The following BCL11A variants were observed in gnomAD, a reference collection of about 807,000 sequenced individuals.
BCL11A encodes B cell CLL/lymphoma 11A.
A neutral mutation model predicts 55.9 loss-of-function variants in BCL11A; 2 were observed. The ratio of observed to expected loss-of-function variants is 0.04; its 90% CI spans 0.01 to 0.11. The LOEUF is 0.11. BCL11A is among the 10% of genes least tolerant of loss of function. The pLI, the probability that BCL11A is intolerant of heterozygous loss-of-function variation, is 1.00. For missense variants in BCL11A, 817 were observed against 1,137.1 expected (o/e 0.72, Z 4.05); for synonymous variants, 465 against 473.4 (o/e 0.98, Z 0.23).
intron 2 of BCL11A, chr2:60,538,198 G>T (rs1669757632): frequency 6.6e-6 from 1 of 152,220 alleles, no homozygotes. Context: ...TATATAATTT[G>T]TTGTTTAGCA....
rs768736081 is a variant in BCL11A, at chr2:60,546,250, A to G, written c.106T>C (p.Leu36=). The G allele has an allele frequency of 2.0e-5, 32 of 1,614,190 alleles. No homozygotes were observed. Among genetic ancestry groups the G allele is most frequent in the Non-Finnish European group, 9.3e-6 (11 of 1,180,030 alleles). Reference sequence around the variant, plus strand: ...TCATGATCCCCTTCTGGAGCTCCCAACGGGCCGTGGTCTGGTTCATCATCT... The same window carrying G: ...TCATGATCCCCTTCTGGAGCTCCCAGCGGGCCGTGGTCTGGTTCATCATCT... ...LTDDEPDHGP[L]GAPEGDHDLL... The change falls in exon 2 of 4, where the codon TTG becomes CTG. Residue 36 remains leucine (L), a synonymous_variant. Transcript: ENST00000642384. This position sits in a 1 kb window ranked among gnomAD's most constrained non-coding sequence, Gnocchi z 4.1.
chr2:60,533,327 T>C (rs1669537667), intron 2 of BCL11A: 1 of 152,124 alleles, frequency 6.6e-6, no homozygotes, highest in South Asian at 2.1e-4. Context: ...CTTGTAAAGT[T>C]TGGGGGAGAG....
At chr2:60,486,356 T>C (rs190923462) in intron 2 of BCL11A, among the ~76,000 whole-genome samples, 1 of 152,326 alleles carries the variant, frequency 6.6e-6, no homozygotes, top group Admixed American at 6.5e-5. Flanking sequence ...TCTCACACAA[T>C]GAGAAAGAAC....
chr2:60,460,265 C>CTGTTTGTT lies in BCL11A; in HGVS notation c.*131_*138dup, dbSNP rs201706698. ...TCTCATATTCTTAGCTTCGTTACTT[C>CTGTTTGTT]TGTTTGTTTGTTTGTTTGTTTAAAT... On this transcript the variant is annotated 3_prime_UTR_variant, in exon 4 of 4. Coordinates refer to ENST00000642384, the MANE Select transcript of BCL11A (RefSeq NM_022893.4). 12 of 1,423,588 alleles carry CTGTTTGTT rather than the reference C, an allele frequency of 8.4e-6. No individual in the cohort carries two copies. The highest frequency in any genetic ancestry group is 1.4e-5 in the African/African-American group (1 of 69,172). 88.2% of individuals were successfully genotyped at this position (1,423,588 alleles called of 1,614,324 possible).
rs911363177 is a variant in BCL11A, at chr2:60,545,710, A to G, written c.385+261T>C. On this transcript the variant is annotated intron_variant, in intron 2 of 3. Transcript: ENST00000642384. The stretch of plus-strand genomic sequence containing the variant: ...TGGGGATGGGGAAGAAAAGAAATCC[A>G]AAATCGACAGATCCAGAGAGAAGGT... The G allele has an allele frequency of 7.0e-6, 3 of 430,004 alleles. No individual in the cohort carries two copies. In the Admixed American group the frequency reaches 1.2e-4, roughly 17 times the overall value. The allele number at this position is 430,004 out of a possible 1,614,324, so 26.6% of individuals were successfully genotyped here.
rs191825716 is a variant in BCL11A at position 60,468,414 on chromosome 2, C to A, written c.487+318G>T. On this transcript the variant is annotated intron_variant, in intron 3 of 3. Coordinates refer to ENST00000642384, the MANE Select transcript of BCL11A (RefSeq NM_022893.4). ...TAAATGAGGCCACAGGAGTGAATGTCCAGTAATAAAATGGGCTCCAGAGGC... is the reference window on the plus strand; with the variant it reads ...TAAATGAGGCCACAGGAGTGAATGTACAGTAATAAAATGGGCTCCAGAGGC... 2.9e-3 allele frequency among the ~76,000 whole-genome samples: 443 copies of A among 152,134 alleles called. 1 individual carries two copies. The highest frequency in any genetic ancestry group is 6.7e-3 in the Admixed American group (103 of 15,278).
At chr2:60,539,220 C>T (rs896057323) in intron 2 of BCL11A, among the ~76,000 whole-genome samples, 7 of 152,192 alleles carry the variant, frequency 4.6e-5, no homozygotes, top group Admixed American at 2.0e-4. Context: ...ATTAATATTC[C>T]AGCTCCGCAT....
intron 2 of BCL11A, among the ~76,000 whole-genome samples, chr2:60,474,652 T>A (rs1461521751): frequency 6.6e-6 from 1 of 152,234 alleles, no homozygotes; most frequent in Non-Finnish European, 1.5e-5. Context: ...GGACAATTTT[T>A]TTTTGTTTGT....
At chr2:60,512,537 T>G (rs756856481) in intron 2 of BCL11A, among the ~76,000 whole-genome samples, 2 of 152,184 alleles carry the variant, frequency 1.3e-5, no homozygotes, top group African/African-American at 4.8e-5. Context: ...CCTATCACAA[T>G]GCTCTGCAGA....
At chr2:60,518,320 C>T (rs964255201) in intron 2 of BCL11A, among the ~76,000 whole-genome samples, 1 of 152,138 alleles carries the variant, frequency 6.6e-6, no homozygotes, top group Non-Finnish European at 1.5e-5. Flanking sequence ...CAGGATTAGA[C>T]CTACCGTTCC....
chr2:60,528,665 A>G (rs899799155), intron 2 of BCL11A: 2 of 152,344 alleles, frequency 1.3e-5, no homozygotes, highest in African/African-American at 4.8e-5. Context: ...GCCGCAGGCC[A>G]AAGGATTGAA....
At chr2:60,453,600 T>C (rs1675815533), downstream of BCL11A, among the ~76,000 whole-genome samples, 1 of 152,202 alleles carries the variant, frequency 6.6e-6, no homozygotes, top group Admixed American at 6.5e-5. Flanking sequence ...GGGAATCCCA[T>C]TCCCAGTCCA....
rs762658692 is a variant in BCL11A, at chr2:60,546,293, A to T, written c.63T>A (p.Pro21=). The change falls in exon 2 of 4, where the codon CCT becomes CCA. Residue 21 remains proline (P), a synonymous_variant. Transcript: ENST00000642384. The surrounding 1 kb of genome is among the most constrained non-coding windows in gnomAD (Gnocchi z 4.1). ...CATCATCTGTAAGAATGGCTTCAAG[A>T]GGCTCGGCTGTGGTTGGAGAAACAA... The part of the protein sequence containing the change: ...HLSKREFSPE[P]LEAILTDDEP... The T allele has an allele frequency of 3.7e-6, 6 of 1,612,620 alleles. No homozygotes were observed. Among genetic ancestry groups the T allele is most frequent in the Non-Finnish European group, 5.1e-6 (6 of 1,178,924 alleles).
intron 2 of BCL11A, among the ~76,000 whole-genome samples, chr2:60,490,056 G>A (rs1678534490): frequency 6.6e-6 from 1 of 152,126 alleles, no homozygotes. Flanking sequence ...GGGGGCAAAG[G>A]CAAAAGGAAA....
chr2:60,493,422 C>A (rs776530756), intron 2 of BCL11A, among the ~76,000 whole-genome samples: 2 of 152,086 alleles, frequency 1.3e-5, no homozygotes, highest in African/African-American at 2.4e-5. Context: ...CCCCTCCCAC[C>A]CCATTCCCTG....
At chr2:60,523,225 A>G (rs998409586) in intron 2 of BCL11A, among the ~76,000 whole-genome samples, 1 of 152,200 alleles carries the variant, frequency 6.6e-6, no homozygotes, top group Non-Finnish European at 1.5e-5. Flanking sequence ...AACCTAGAGA[A>G]AGAATAAACA....
At chr2:60,502,038 G>A (rs112727722) in intron 2 of BCL11A, among the ~76,000 whole-genome samples, 3,943 of 152,174 alleles carry the variant, frequency 0.026, 175 homozygotes, top group African/African-American at 0.088. Flanking sequence ...AGAGCTTCAG[G>A]GAGGAAAGGC....
At chr2:60,472,181 C>G (rs1282326988) in intron 2 of BCL11A, among the ~76,000 whole-genome samples, 2 of 152,232 alleles carry the variant, frequency 1.3e-5, no homozygotes, top group African/African-American at 4.8e-5. Flanking sequence ...GGTCCAGGCT[C>G]TCCATCAGGT....
chr2:60,491,243 AAACGTATTCTT>A (rs1678610370), intron 2 of BCL11A, among the ~76,000 whole-genome samples: 1 of 152,264 alleles, frequency 6.6e-6, no homozygotes, highest in African/African-American at 2.4e-5. Context: ...TAAGTTCTAA[AAACGTATTCTT>A]AATGCTGTTT....
Sources: gnomAD v4.1 joint callset for allele counts (sites outside exome capture counted in the v4.1 genomes callset) on GRCh38, gnomAD v4.1.1 for gene constraint, Gnocchi (gnomAD v3.1) non-coding constraint, MANE v1.5 for transcripts, NCBI Gene and HGNC (gene_info 2026-07-23, HGNC 2026-07-21) for gene names.